MYO10: variants seen among roughly 807,000 people sequenced by gnomAD.
The protein encoded by MYO10 is unconventional myosin-X.
MYO10 carries 133 observed loss-of-function variants against 257.3 expected under a neutral mutation model. The ratio of observed to expected loss-of-function variants is 0.52; its 90% CI spans 0.45 to 0.60. The LOEUF is 0.60. MYO10 is among the 20% of genes least tolerant of loss of function. The pLI is 0.00. For synonymous variants in MYO10, 1,104 were observed against 1,028.6 expected (o/e 1.07, Z -1.40); for missense variants, 2,399 against 2,635.7 (o/e 0.91, Z 1.97).
intron 2 of MYO10, chr5:16,854,033 T>C (rs1393772273): frequency 1.3e-5 from 2 of 152,212 alleles, no homozygotes; most frequent in Middle Eastern, 3.2e-3. Context: ...TGATCTCGTC[T>C]GATCTCGTGA....
chr5:16,736,338 G>A lies in MYO10; in HGVS notation c.1929+18490C>T, dbSNP rs552769698. Among the ~76,000 whole-genome samples the A allele has an allele frequency of 7.2e-5, 11 of 152,306 alleles. No individual in the cohort carries two copies. In the East Asian group the frequency reaches 1.9e-3, roughly 27 times the overall value. The stretch of plus-strand genomic sequence containing the variant: ...CCAGAGTTTATGTAAACCAGGAAAT[G>A]CCTCTAGCACGCCCCAGATAGCAGG... On this transcript the variant is annotated intron_variant, in intron 19 of 40. Transcript: ENST00000513610.
chr5:16,842,454 C>G (rs1394329568), intron 2 of MYO10, among the ~76,000 whole-genome samples: 1 of 152,162 alleles, frequency 6.6e-6, no homozygotes, highest in Non-Finnish European at 1.5e-5. Context: ...AAGTCATATC[C>G]TCACCAGCCC....
intron 25 of MYO10, among the ~76,000 whole-genome samples, chr5:16,700,283 T>G (rs572187005): frequency 6.6e-6 from 1 of 152,128 alleles, no homozygotes; most frequent in African/African-American, 2.4e-5. Context: ...AGGATGTGTC[T>G]TCATTTCCTA....
intron 19 of MYO10, among the ~76,000 whole-genome samples, chr5:16,735,541 C>A (rs1169316131): frequency 6.6e-6 from 1 of 151,998 alleles, no homozygotes; most frequent in Non-Finnish European, 1.5e-5. Flanking sequence ...CCCATTTCCA[C>A]CAAAAATAAA....
chr5:16,826,864 A>G (rs2126714055), intron 2 of MYO10, among the ~76,000 whole-genome samples: 1 of 152,340 alleles, frequency 6.6e-6, no homozygotes, highest in African/African-American at 2.4e-5. Flanking sequence ...GCCTCCTGAC[A>G]TATGGCTGAA....
intron 4 of MYO10, among the ~76,000 whole-genome samples, chr5:16,791,930 G>A (rs985354509): frequency 4.6e-5 from 7 of 152,060 alleles, no homozygotes; most frequent in Non-Finnish European, 7.4e-5. Flanking sequence ...TTAAGCAGCC[G>A]CTTCATTTCG....
At chr5:16,713,410 C>A (rs1738708490) in intron 19 of MYO10, 6 of 985,896 alleles carry the variant, frequency 6.1e-6, no homozygotes, top group Non-Finnish European at 7.2e-6. Flanking sequence ...AACTGCCACA[C>A]TGACCTTTTC....
At chr5:16,824,458 C>T (rs1742942294) in intron 2 of MYO10, among the ~76,000 whole-genome samples, 1 of 152,152 alleles carries the variant, frequency 6.6e-6, no homozygotes, top group Non-Finnish European at 1.5e-5. Context: ...CCCAAAATGA[C>T]AATAGTACGG....
chr5:16,898,955 T>A, intron 1 of MYO10, among the ~76,000 whole-genome samples: 1 of 84,102 alleles, frequency 1.2e-5, no homozygotes, highest in Non-Finnish European at 2.8e-5. Flanking sequence ...GCCAACATGG[T>A]GAAACCCCGT....
intron 2 of MYO10, among the ~76,000 whole-genome samples, chr5:16,846,604 T>A (rs1257907699): frequency 2.0e-5 from 3 of 152,218 alleles, no homozygotes; most frequent in African/African-American, 7.2e-5. Flanking sequence ...AACAGGTCCA[T>A]AATTAGCATG....
At chr5:16,770,402 T>C (rs1741011382) in intron 9 of MYO10, among the ~76,000 whole-genome samples, 1 of 152,080 alleles carries the variant, frequency 6.6e-6, no homozygotes, top group Non-Finnish European at 1.5e-5. Context: ...CATAATGCTG[T>C]TTGAGGAAAA....
intron 2 of MYO10, among the ~76,000 whole-genome samples, chr5:16,858,303 G>A (rs187092509): frequency 6.6e-6 from 1 of 152,160 alleles, no homozygotes; most frequent in African/African-American, 2.4e-5. Context: ...CTGTAGGCAA[G>A]GGCTGCAGTT....
rs114022074 is a variant in MYO10 at position 16,789,052 on chromosome 5, G to A, written c.468-5583C>T. On this transcript the variant is annotated intron_variant, in intron 4 of 40. Transcript: ENST00000513610. ...GCAGGGCCTTTGGTGCACAGGACAC[G>A]CTAGCCTCCCAGCAGCACACATCAA... Among the ~76,000 whole-genome samples the A allele has an allele frequency of 5.4e-3, 820 of 152,270 alleles. 12 individuals are homozygous for A. Among genetic ancestry groups the A allele is most frequent in the African/African-American group, 0.019 (784 of 41,554 alleles).
At chr5:16,669,538 C>T (rs192673875) in intron 39 of MYO10, among the ~76,000 whole-genome samples, 59 of 152,274 alleles carry the variant, frequency 3.9e-4, no homozygotes, top group Middle Eastern at 3.4e-3. Context: ...TCACAGCTCA[C>T]GTTTTGCAGG....
At chr5:16,818,410 GTA>G (rs1178796616) in intron 2 of MYO10, among the ~76,000 whole-genome samples, 965 of 90,304 alleles carry the variant, frequency 0.011, 13 homozygotes, top group African/African-American at 0.019. Flanking sequence ...GTGTGTGTGT[GTA>G]TATATATATA....
In MYO10 at chr5:16,662,468, T is replaced by C. The variant is rs1413863133; in HGVS notation, c.*4224A>G. On this transcript the variant is annotated 3_prime_UTR_variant, in exon 41 of 41. Transcript: ENST00000513610. ...CCTCCCCAGTAGCTGGGACTACAGA[T>C]GCGCACCACCACACCTGGCTAATGT... 6.6e-6 allele frequency: 1 copy of C among 151,750 alleles called. No individual in the cohort carries two copies. The highest frequency in any genetic ancestry group is 2.4e-5 in the African/African-American group (1 of 41,272). 9.4% of individuals were successfully genotyped at this position (151,750 alleles called of 1,614,324 possible). A position where few individuals can be genotyped will look rare whatever the true frequency, so the allele number is the denominator to read the frequency against.
chr5:16,916,842 C>T (rs372993527), intron 1 of MYO10, among the ~76,000 whole-genome samples: 2 of 152,208 alleles, frequency 1.3e-5, no homozygotes, highest in South Asian at 2.1e-4. Context: ...GAGGCTGCCT[C>T]TTGCATTATC....
chr5:16,752,484 T>G (rs1249572881), intron 19 of MYO10, among the ~76,000 whole-genome samples: 1 of 152,164 alleles, frequency 6.6e-6, no homozygotes, highest in Non-Finnish European at 1.5e-5. Flanking sequence ...GGTTTCATCA[T>G]GTTGGCCAGG....
In MYO10 at chr5:16,877,795, T is replaced by A. The variant is rs577424613; in HGVS notation, c.22-88A>T. ...GTCGAAATTACCCTAACTCCTATAT[T>A]CCTTTAAAAAAAATCTTCTTGAAAA... On this transcript the variant is annotated intron_variant, in intron 1 of 40. Coordinates refer to ENST00000513610, the MANE Select transcript of MYO10 (RefSeq NM_012334.3). 2.7e-5 allele frequency: 25 copies of A among 928,458 alleles called. No individual in the cohort carries two copies. The East Asian group carries it at 3.4e-4, about 13-fold the overall frequency. 57.5% of individuals were successfully genotyped at this position (928,458 alleles called of 1,614,324 possible).
Sources: gnomAD v4.1 joint callset for allele counts (sites outside exome capture counted in the v4.1 genomes callset) on GRCh38, gnomAD v4.1.1 for gene constraint, MANE v1.5 for transcripts, NCBI Gene and HGNC (gene_info 2026-07-23, HGNC 2026-07-21) for gene names.